L3MBTL4: variants seen among roughly 807,000 people sequenced by gnomAD.
L3MBTL4 encodes the protein L3MBTL histone methyl-lysine binding protein 4, also known as lethal(3)malignant brain tumor-like protein 4.
A neutral mutation model predicts 84.5 loss-of-function variants in L3MBTL4; 70 were observed. That is an observed-to-expected ratio of 0.83 (90% confidence interval 0.68 to 1.01). L3MBTL4 has a LOEUF of 1.01. L3MBTL4 is among the 50% of genes least tolerant of loss of function. The pLI, the probability that L3MBTL4 is intolerant of heterozygous loss-of-function variation, is 0.00. For missense variants in L3MBTL4, 715 were observed against 754.8 expected (o/e 0.95, Z 0.62); for synonymous variants, 274 against 259.8 (o/e 1.05, Z -0.52).
intron 13 of L3MBTL4, among the ~76,000 whole-genome samples, chr18:6,144,194 TC>T (rs1555669903): frequency 1.7e-5 from 1 of 57,994 alleles, no homozygotes. Flanking sequence ...AGACTCCATC[TC>T]CAAAAAAAAA....
chr18:6,310,587 A>T lies in L3MBTL4; in HGVS notation c.72+967T>A, dbSNP rs2050782201. ...TGTCACTTCAGCAACGGCAATGTGTAAATGTATAACCACAAACCACACGAA... is the reference window on the plus strand; with the variant it reads ...TGTCACTTCAGCAACGGCAATGTGTTAATGTATAACCACAAACCACACGAA... On this transcript the variant is annotated intron_variant, in intron 3 of 18. Coordinates refer to ENST00000317931, the MANE Select transcript of L3MBTL4 (RefSeq NM_001330559.2). Among the ~76,000 whole-genome samples the T allele has an allele frequency of 2.0e-5, 3 of 152,234 alleles. No individual in the cohort carries two copies. The South Asian group carries it at 6.2e-4, about 31-fold the overall frequency.
At chr18:6,346,644 A>C (rs1304294624) in intron 1 of L3MBTL4, among the ~76,000 whole-genome samples, 1 of 152,182 alleles carries the variant, frequency 6.6e-6, no homozygotes, top group African/African-American at 2.4e-5. Context: ...CCACAATGAG[A>C]TATCACTTCA....
intron 16 of L3MBTL4, among the ~76,000 whole-genome samples, chr18:6,000,039 T>C (rs1015366546): frequency 1.3e-5 from 2 of 151,990 alleles, no homozygotes; most frequent in African/African-American, 4.8e-5. Flanking sequence ...AATATAGATG[T>C]GTGTGAATAG....
chr18:6,027,907 T>C (rs1367098114), intron 16 of L3MBTL4, among the ~76,000 whole-genome samples: 1 of 152,242 alleles, frequency 6.6e-6, no homozygotes, highest in East Asian at 1.9e-4. Flanking sequence ...CATAAATTTG[T>C]TTAAGTTCCT....
At chr18:6,228,502 A>C (rs1275050855) in intron 10 of L3MBTL4, among the ~76,000 whole-genome samples, 1 of 152,242 alleles carries the variant, frequency 6.6e-6, no homozygotes, top group Non-Finnish European at 1.5e-5. Context: ...TATCTGGTAA[A>C]TAAACTGTCT....
intron 16 of L3MBTL4, among the ~76,000 whole-genome samples, chr18:6,019,991 C>T (rs1341582919): frequency 6.6e-6 from 1 of 152,184 alleles, no homozygotes; most frequent in Non-Finnish European, 1.5e-5. Flanking sequence ...GTCTTGAGTA[C>T]CTACTGTGTG....
chr18:6,109,896 C>T (rs1288612010), intron 14 of L3MBTL4, among the ~76,000 whole-genome samples: 1 of 151,644 alleles, frequency 6.6e-6, no homozygotes, highest in Non-Finnish European at 1.5e-5. Context: ...GTCAGTGCAC[C>T]CTCCAGGCAC....
At chr18:6,221,387 T>C (rs1241851325) in intron 10 of L3MBTL4, among the ~76,000 whole-genome samples, 1 of 152,126 alleles carries the variant, frequency 6.6e-6, no homozygotes, top group Non-Finnish European at 1.5e-5. Flanking sequence ...TCTATCACAA[T>C]AGACAAATCT....
intron 16 of L3MBTL4, among the ~76,000 whole-genome samples, chr18:5,991,901 TCTC>T (rs938641918): frequency 1.3e-5 from 2 of 151,760 alleles, no homozygotes; most frequent in Non-Finnish European, 2.9e-5. Context: ...TTCCCACACT[TCTC>T]CTCTTCCCCC....
intron 1 of L3MBTL4, among the ~76,000 whole-genome samples, chr18:6,360,874 A>T (rs1251005985): frequency 6.6e-6 from 1 of 152,004 alleles, no homozygotes; most frequent in Non-Finnish European, 1.5e-5. Flanking sequence ...TTAGCTGGGC[A>T]TGGTAGCATA....
chr18:6,088,401 A>G (rs2058332104), intron 15 of L3MBTL4, among the ~76,000 whole-genome samples: 1 of 152,176 alleles, frequency 6.6e-6, no homozygotes, highest in Non-Finnish European at 1.5e-5. Flanking sequence ...ACAAACTCCA[A>G]CTTCAAGAAG....
chr18:6,179,383 G>T (rs2044364911), intron 12 of L3MBTL4, among the ~76,000 whole-genome samples: 1 of 152,118 alleles, frequency 6.6e-6, no homozygotes. Flanking sequence ...AGGAGAACTG[G>T]GTTTTAATAT....
intron 10 of L3MBTL4, among the ~76,000 whole-genome samples, chr18:6,230,141 T>C (rs2145976311): frequency 6.6e-6 from 1 of 152,248 alleles, no homozygotes; most frequent in South Asian, 2.1e-4. Flanking sequence ...AAATTACATG[T>C]CACAGGGGCC....
At chr18:6,319,581 G>GA (rs1405456586) in intron 1 of L3MBTL4, among the ~76,000 whole-genome samples, 1 of 151,898 alleles carries the variant, frequency 6.6e-6, no homozygotes, top group African/African-American at 2.4e-5. Context: ...ATTAAATCAG[G>GA]AAGAAATAGA....
intron 10 of L3MBTL4, among the ~76,000 whole-genome samples, chr18:6,216,350 T>G (rs568007739): frequency 6.6e-6 from 1 of 152,362 alleles, no homozygotes; most frequent in African/African-American, 2.4e-5. Flanking sequence ...GAACATGATA[T>G]AAAGAACTCT....
intron 16 of L3MBTL4, among the ~76,000 whole-genome samples, chr18:6,069,037 C>A (rs1252360178): frequency 6.6e-6 from 1 of 152,184 alleles, no homozygotes; most frequent in African/African-American, 2.4e-5. Context: ...GGAATGTCTG[C>A]AAGGGATCCA....
intron 1 of L3MBTL4, among the ~76,000 whole-genome samples, chr18:6,332,964 T>A (rs746005721): frequency 1.3e-5 from 2 of 152,194 alleles, no homozygotes; most frequent in Non-Finnish European, 2.9e-5. Context: ...TGGATTGTAA[T>A]CCCAACGTTA....
At chr18:6,213,390 T>G in intron 11 of L3MBTL4, 131 bp from the exon 12 acceptor site, 1 of 576,550 alleles carries the variant, frequency 1.7e-6, no homozygotes, top group Non-Finnish European at 3.1e-6. Flanking sequence ...ATTTAGTGTT[T>G]TTTGTTTTGC....
chr18:5,979,521 C>T (rs1366732238), intron 16 of L3MBTL4, among the ~76,000 whole-genome samples: 1 of 152,200 alleles, frequency 6.6e-6, no homozygotes, highest in Non-Finnish European at 1.5e-5. Context: ...TTAGCCCTCT[C>T]TGACAGATAA....
Sources: allele counts gnomAD v4.1 joint callset (sites outside exome capture counted in the v4.1 genomes callset), GRCh38; gene constraint gnomAD v4.1.1; transcripts MANE v1.5; gene names NCBI Gene and HGNC (gene_info 2026-07-23, HGNC 2026-07-21).